Variants in RAP1GAP2 observed in about 807,000 individuals in gnomAD.
RAP1GAP2 encodes rap1 GTPase-activating protein 2.
RAP1GAP2 carries 27 observed loss-of-function variants against 95.0 expected under a neutral mutation model. The ratio of observed to expected loss-of-function variants is 0.28; its 90% confidence interval spans 0.21 to 0.39. RAP1GAP2 has a LOEUF of 0.39. Among genes scored for constraint, RAP1GAP2 ranks in the 10% least tolerant of loss-of-function variants. The probability of loss-of-function intolerance (pLI) is 1.00; values close to 1 mark genes in which losing one functional copy is unlikely to be tolerated. For missense variants in RAP1GAP2, 771 were observed against 970.0 expected, an observed-to-expected ratio of 0.79 and a Z score of 2.72; for synonymous variants, 373 against 380.9, an observed-to-expected ratio of 0.98 and a Z score of 0.24.
intron 17 of RAP1GAP2, among the ~76,000 whole-genome samples, chr17:3,011,588 C>A (rs370741336): frequency 6.6e-6 from 1 of 151,434 alleles, no homozygotes; most frequent in Non-Finnish European, 1.5e-5. Flanking sequence ...AAGTTACAGG[C>A]CTTTATCTCT....
chr17:2,791,641 G>A (rs2068925975), upstream of RAP1GAP2, among the ~76,000 whole-genome samples: 1 of 152,118 alleles, frequency 6.6e-6, no homozygotes, highest in African/African-American at 2.4e-5. Context: ...CACCCTCTCA[G>A]AGGGGTTGTG....
At chr17:2,874,641 G>A (rs969062112) in intron 2 of RAP1GAP2, among the ~76,000 whole-genome samples, 4 of 152,194 alleles carry the variant, frequency 2.6e-5, no homozygotes, top group Admixed American at 1.3e-4. Flanking sequence ...CCTCAGCCTG[G>A]GGCTGGATTC....
chr17:2,760,948 TTTTC>T (rs34400906), intron 1 of RAP1GAP2, among the ~76,000 whole-genome samples: 53 of 151,300 alleles, frequency 3.5e-4, no homozygotes, highest in Admixed American at 3.0e-3. Flanking sequence ...TTTTCTTTTC[TTTTC>T]TTTCTTTTTC....
At chr17:2,863,275 T>C (rs1371128746) in intron 2 of RAP1GAP2, among the ~76,000 whole-genome samples, 3 of 152,122 alleles carry the variant, frequency 2.0e-5, no homozygotes, top group Non-Finnish European at 4.4e-5. Context: ...AGACGCTGTG[T>C]TTATTCAGTG....
chr17:2,800,624 G>C, intron 2 of RAP1GAP2, 74 bp downstream of exon 2: 3 of 1,484,062 alleles, frequency 2.0e-6, no homozygotes, highest in Non-Finnish European at 2.8e-6. Flanking sequence ...GCTCCCCCCA[G>C]GTTGTGGGAG....
intron 2 of RAP1GAP2, among the ~76,000 whole-genome samples, chr17:2,873,956 G>C (rs1039860764): frequency 2.7e-5 from 4 of 147,982 alleles, no homozygotes; most frequent in Non-Finnish European, 6.0e-5. Flanking sequence ...GAGACGCGGT[G>C]GGGGGGGGCG....
At chr17:2,915,355 C>G (rs1012635300) in intron 3 of RAP1GAP2, among the ~76,000 whole-genome samples, 2 of 152,068 alleles carry the variant, frequency 1.3e-5, no homozygotes, top group Non-Finnish European at 2.9e-5. Flanking sequence ...CTCAGCCCCC[C>G]GAGTAGCTGG....
At chr17:3,025,105 G>A (rs552341499) in intron 19 of RAP1GAP2, among the ~76,000 whole-genome samples, 5 of 152,302 alleles carry the variant, frequency 3.3e-5, no homozygotes, top group East Asian at 3.9e-4. Context: ...GGCCAGGTGC[G>A]GTGGCTCACG....
At chr17:2,987,620 C>G (rs1248242146) in intron 11 of RAP1GAP2, among the ~76,000 whole-genome samples, 2 of 152,094 alleles carry the variant, frequency 1.3e-5, no homozygotes, top group Non-Finnish European at 2.9e-5. Flanking sequence ...CTTGGCCTCC[C>G]AAAGTGCTGG....
intron 2 of RAP1GAP2, among the ~76,000 whole-genome samples, chr17:2,873,836 C>G (rs1156336051): frequency 6.6e-6 from 1 of 152,106 alleles, no homozygotes; most frequent in Non-Finnish European, 1.5e-5. Flanking sequence ...GATCTCAGCT[C>G]ACTGCAACCT....
intron 2 of RAP1GAP2, among the ~76,000 whole-genome samples, chr17:2,852,765 G>A (rs1291648133): frequency 2.0e-5 from 3 of 152,182 alleles, no homozygotes; most frequent in Admixed American, 6.5e-5. Flanking sequence ...GGTGAGGCGG[G>A]AGGGGGCTGG....
chr17:2,834,798 A>G (rs1178246802), intron 2 of RAP1GAP2, among the ~76,000 whole-genome samples: 1 of 152,040 alleles, frequency 6.6e-6, no homozygotes, highest in African/African-American at 2.4e-5. Flanking sequence ...CCCTGTCTCA[A>G]AAAAAAGAAA....
Position 2,962,934 on chromosome 17 carries a change from G to C in RAP1GAP2, c.246+220G>C, listed in dbSNP as rs76425324. ...CCTTAGGACAGCTTCAGAGCAGGCT[G>C]GGGGTGGAGGCCTCGGTGGGACCTC... On this transcript the variant is annotated intron_variant, in intron 5 of 24. Transcript: ENST00000254695. The C allele has an allele frequency of 1.9e-3, 1,108 of 570,142 alleles. 6 individuals are homozygous for C. Among genetic ancestry groups the C allele is most frequent in the East Asian group, 7.9e-3 (259 of 32,782 alleles). 35.3% of individuals were successfully genotyped at this position (570,142 alleles called of 1,614,324 possible). A position where few individuals can be genotyped will look rare whatever the true frequency, so the allele number is the denominator to read the frequency against.
At chr17:2,772,106 C>T (rs1185127702), upstream of RAP1GAP2, among the ~76,000 whole-genome samples, 2 of 152,212 alleles carry the variant, frequency 1.3e-5, no homozygotes, top group East Asian at 1.9e-4. Context: ...TCTCCTCCCT[C>T]AGCCTCTTGA....
At chr17:2,931,145 GAAGA>G (rs1177718399) in intron 3 of RAP1GAP2, among the ~76,000 whole-genome samples, 80 of 132,440 alleles carry the variant, frequency 6.0e-4, no homozygotes, top group Non-Finnish European at 9.8e-4. Context: ...AAAAAAAAAA[GAAGA>G]AGAGAAACCA....
chr17:2,797,598 G>A lies in RAP1GAP2; in HGVS notation c.44+1027G>A. 2 of 712,076 alleles carry A rather than the reference G, an allele frequency of 2.8e-6. No individual in the cohort carries two copies. The highest frequency in any genetic ancestry group is 3.4e-6 in the Non-Finnish European group (2 of 580,464). 44.1% of individuals were successfully genotyped at this position (712,076 alleles called of 1,614,324 possible). On this transcript the variant is annotated intron_variant, in intron 1 of 24. Coordinates refer to ENST00000254695, the MANE Select transcript of RAP1GAP2 (RefSeq NM_015085.5). The surrounding 1 kb of genome is among the most constrained non-coding windows in gnomAD (Gnocchi z 5.6). ...CCTCGGTAATTTTTCGCTTCCGTGT[G>A]TGTGGCTTATTTCCCTCTTCCTCCT...
At chr17:3,011,251 C>T (rs998875398) in intron 17 of RAP1GAP2, among the ~76,000 whole-genome samples, 1 of 152,030 alleles carries the variant, frequency 6.6e-6, no homozygotes, top group Non-Finnish European at 1.5e-5. Context: ...TTTTTTCCCT[C>T]CCACCTGGGG....
chr17:2,913,169 T>C (rs28604469), intron 3 of RAP1GAP2, among the ~76,000 whole-genome samples: 13,641 of 151,600 alleles, frequency 0.09, 1,188 homozygotes, highest in East Asian at 0.35. Flanking sequence ...CAGAGCAAAA[T>C]CCTGTTTCAA....
chr17:2,919,334 C>T (rs1303058314), intron 3 of RAP1GAP2, among the ~76,000 whole-genome samples: 2 of 152,198 alleles, frequency 1.3e-5, no homozygotes, highest in East Asian at 1.9e-4. Context: ...GCAGAAAGAA[C>T]CTGCAGGGTC....
Sources: allele counts gnomAD v4.1 joint callset (sites outside exome capture counted in the v4.1 genomes callset), GRCh38; gene constraint gnomAD v4.1.1; non-coding constraint Gnocchi (gnomAD v3.1); transcripts MANE v1.5; gene names NCBI Gene and HGNC (gene_info 2026-07-23, HGNC 2026-07-21).